Variants in LRIG2 observed in about 807,000 individuals in gnomAD.
The protein encoded by LRIG2 is leucine-rich repeats and immunoglobulin-like domains protein 2.
In LRIG2, 93 loss-of-function variants were observed where a neutral mutation model predicts 107.8. The observed-to-expected ratio is 0.86, with a 90% CI of 0.73 to 1.03. The LOEUF (loss-of-function observed/expected upper bound fraction) is 1.03. Among genes scored for constraint, LRIG2 ranks in the 50% least tolerant of loss-of-function variants. The probability of loss-of-function intolerance (pLI) is 0.00; values close to 1 mark genes in which losing one functional copy is unlikely to be tolerated. For synonymous variants in LRIG2, 471 were observed against 470.6 expected (o/e 1.00, Z -0.01); for missense variants, 1,226 against 1,296.0 (o/e 0.95, Z 0.83).
At position 113,112,525 on chromosome 1, in the gene LRIG2, T is replaced by G. The variant is rs769295770; in HGVS notation, c.1845T>G (p.Thr615=). ...CGCCAATGGATCTGACTATTCGCACTGGTGCCATGGCCAGATTAGAATGTG... is the reference window on the plus strand; with the variant it reads ...CGCCAATGGATCTGACTATTCGCACGGGTGCCATGGCCAGATTAGAATGTG... ...LKTPMDLTIR[T]GAMARLECAA... Residue 615 remains threonine, a synonymous_variant, in exon 14 of 18, where the codon ACT becomes ACG. Transcript: ENST00000361127. 6.2e-6 allele frequency: 10 copies of G among 1,613,372 alleles called. No individual in the cohort carries two copies. Among genetic ancestry groups the G allele is most frequent in the South Asian group, 4.4e-5 (4 of 91,070 alleles).
intron 17 of LRIG2, among the ~76,000 whole-genome samples, chr1:113,122,887 G>A (rs1302481148): frequency 6.6e-6 from 1 of 152,176 alleles, no homozygotes; most frequent in Non-Finnish European, 1.5e-5. Context: ...TTTTCACATG[G>A]ATTTTATTTT....
At position 113,096,203 on chromosome 1, in the gene LRIG2, C is replaced by A; in HGVS notation, c.948-19C>A. Reference sequence around the variant, plus strand: ...CCAAATACAATGAATTCCTTACCTTCCACATTTCTTGTTTTCAGTGATTTG... The same window carrying A: ...CCAAATACAATGAATTCCTTACCTTACACATTTCTTGTTTTCAGTGATTTG... On this transcript the variant is annotated intron_variant, in intron 7 of 17. Coordinates refer to ENST00000361127, the MANE Select transcript of LRIG2 (RefSeq NM_014813.3). 6.2e-7 allele frequency: 1 copy of A among 1,609,572 alleles called. No homozygotes were observed. Among genetic ancestry groups the A allele is most frequent in the East Asian group, 2.2e-5 (1 of 44,854 alleles).
At chr1:113,120,487 ATGGTTTTTAC>A (rs1206504814) in intron 17 of LRIG2, among the ~76,000 whole-genome samples, 1 of 149,364 alleles carries the variant, frequency 6.7e-6, no homozygotes, top group Non-Finnish European at 1.5e-5. Context: ...TAATTTGGTG[ATGGTTTTTAC>A]TGAGAAGATT....
Position 113,073,646 on chromosome 1 carries a change from G to C in LRIG2, c.239+1G>C. On this transcript the variant is annotated splice_donor_variant, in intron 1 of 17. Coordinates refer to ENST00000361127, the MANE Select transcript of LRIG2 (RefSeq NM_014813.3). LOFTEE classifies it high-confidence loss of function. The stretch of plus-strand genomic sequence containing the variant: ...TGCTGCCCCCCGACACCGCTATCCT[G>C]TGAGTAGAGCGGCCAGGCAGAGTGA... The C allele has an allele frequency of 1.2e-6, 2 of 1,610,040 alleles. No individual in the cohort carries two copies. Among genetic ancestry groups the C allele is most frequent in the Non-Finnish European group, 1.7e-6 (2 of 1,178,586 alleles).
rs375581344 is a variant in LRIG2 at position 113,112,764 on chromosome 1, C to T, written c.2080+4C>T. ...AATGCTTCCCTAACAGTGTTAGGTA[C>T]GTTTACTGCTCCATGGGTCCCTGCT... On this transcript the variant is annotated splice_donor_region_variant and intron_variant, in intron 14 of 17. Coordinates refer to ENST00000361127, the MANE Select transcript of LRIG2 (RefSeq NM_014813.3). 7.6e-6 allele frequency: 12 copies of T among 1,589,368 alleles called. No homozygotes were observed. The highest frequency in any genetic ancestry group is 4.0e-5 in the African/African-American group (3 of 74,394).
Position 113,131,800 on chromosome 1 carries a change from TTTTGTGTGTGTG to T in LRIG2, c.*7701_*7712del, listed in dbSNP as rs1405848113. On this transcript the variant is annotated 3_prime_UTR_variant, in exon 18 of 18. Transcript: ENST00000361127. ...AAGGTTTTGTCAGTAGTAAGGTAGG[TTTTGTGTGTGTG>T]TGTGTGTGTGTGTGTGTGTGTGTGT... 2.2e-5 allele frequency: 2 copies of T among 92,300 alleles called. No individual in the cohort carries two copies. The highest frequency in any genetic ancestry group is 4.2e-5 in the African/African-American group (1 of 23,940). The allele number at this position is 92,300 out of a possible 1,614,324, so 5.7% of individuals were successfully genotyped here. A position where few individuals can be genotyped will look rare whatever the true frequency, so the allele number is the denominator to read the frequency against.
intron 17 of LRIG2, among the ~76,000 whole-genome samples, 164 bp downstream of exon 17, chr1:113,119,687 A>G (rs1454897093): frequency 2.0e-5 from 3 of 152,342 alleles, no homozygotes; most frequent in African/African-American, 7.2e-5. Flanking sequence ...AGATTTCTGC[A>G]TACTAGAGTT....
intron 15 of LRIG2, 74 bp downstream of exon 15, chr1:113,114,950 T>TA (rs1187898946): frequency 7.1e-6 from 9 of 1,275,448 alleles, no homozygotes; most frequent in Admixed American, 2.1e-5. Flanking sequence ...TTGTACAATA[T>TA]AAAAAACTGA....
chr1:113,107,890 C>G, intron 12 of LRIG2, 133 bp downstream of exon 12: 1 of 757,978 alleles, frequency 1.3e-6, no homozygotes, highest in Non-Finnish European at 2.1e-6. Context: ...TAAAAATGAT[C>G]ACAGGCATTT....
chr1:113,085,379 G>A (rs972792139), intron 1 of LRIG2, among the ~76,000 whole-genome samples: 1 of 152,152 alleles, frequency 6.6e-6, no homozygotes, highest in African/African-American at 2.4e-5. Context: ...CGCCTCCCGG[G>A]TTCAAGTGAT....
intron 1 of LRIG2, among the ~76,000 whole-genome samples, chr1:113,084,278 C>T (rs1028081054): frequency 1.0e-4 from 15 of 147,250 alleles, no homozygotes; most frequent in African/African-American, 3.8e-4. Context: ...TGCAGTGGCG[C>T]AATCTCGGCT....
rs528955690 is a variant in LRIG2 at position 113,074,764 on chromosome 1, C to T, written c.239+1119C>T. ...TCTACTAAAAATACAAAAAAATTAG[C>T]TGGGTGTGGTGGTGTGCGCCTGTAG... On this transcript the variant is annotated intron_variant, in intron 1 of 17. Coordinates refer to ENST00000361127, the MANE Select transcript of LRIG2 (RefSeq NM_014813.3). 1.7e-3 allele frequency among the ~76,000 whole-genome samples: 259 copies of T among 151,934 alleles called. 1 individual carries two copies. Among genetic ancestry groups the T allele is most frequent in the Non-Finnish European group, 2.6e-3 (178 of 67,974 alleles).
chr1:113,110,610 A>G (rs774857627), intron 13 of LRIG2, 48 bp downstream of exon 13: 1 of 1,372,210 alleles, frequency 7.3e-7, no homozygotes, highest in Non-Finnish European at 1.0e-6. Context: ...AGGATTTTTC[A>G]TGTTCAGTTT....
At chr1:113,088,822 G>T (rs562578275) in intron 1 of LRIG2, among the ~76,000 whole-genome samples, 2 of 152,140 alleles carry the variant, frequency 1.3e-5, no homozygotes, top group Admixed American at 6.5e-5. Flanking sequence ...ATTTTTATAC[G>T]AGTGTATGTG....
chr1:113,077,990 G>GT (rs1015317975), intron 1 of LRIG2, among the ~76,000 whole-genome samples: 2 of 149,254 alleles, frequency 1.3e-5, no homozygotes, highest in African/African-American at 4.9e-5. Flanking sequence ...GTGGTGTTTG[G>GT]TTTTTTGTCC....
chr1:113,083,196 C>T (rs1253419238), intron 1 of LRIG2, among the ~76,000 whole-genome samples: 2 of 149,736 alleles, frequency 1.3e-5, no homozygotes, highest in African/African-American at 4.9e-5. Context: ...AGATATGAGG[C>T]ACCATGCTTG....
At chr1:113,097,532 A>G (rs1654118999) in intron 8 of LRIG2, among the ~76,000 whole-genome samples, 1 of 152,218 alleles carries the variant, frequency 6.6e-6, no homozygotes, top group African/African-American at 2.4e-5. Context: ...TCCTTTTCCT[A>G]TATTATCAGA....
At chr1:113,103,535 A>G (rs1654393344) in intron 11 of LRIG2, 1 of 152,158 alleles carries the variant, frequency 6.6e-6, no homozygotes, top group African/African-American at 2.4e-5. Context: ...CCCTATATCT[A>G]TTGAGATGAT....
intron 15 of LRIG2, among the ~76,000 whole-genome samples, chr1:113,115,853 G>C (rs1382697335): frequency 6.6e-6 from 1 of 152,170 alleles, no homozygotes; most frequent in Non-Finnish European, 1.5e-5. Context: ...ACGCATTACA[G>C]ATGCATTCTT....
Sources: gnomAD v4.1 joint callset for allele counts (sites outside exome capture counted in the v4.1 genomes callset) on GRCh38, gnomAD v4.1.1 for gene constraint, MANE v1.5 for transcripts, NCBI Gene and HGNC (gene_info 2026-07-23, HGNC 2026-07-21) for gene names.